Variants in XXYLT1 observed in about 807,000 individuals in gnomAD.
XXYLT1 encodes the protein xyloside xylosyltransferase 1, also known as UDP-xylose:alpha-xyloside alpha-1,3-xylosyltransferase.
Under a neutral mutation model 28.9 loss-of-function variants are expected in XXYLT1, and 20 were observed. That is an observed-to-expected ratio of 0.69 (90% CI 0.49 to 1.00). The LOEUF is 1.00. Ranked by LOEUF, XXYLT1 falls within the 50% of genes least tolerant of loss-of-function variation. XXYLT1 has a pLI of 0.00. For synonymous variants in XXYLT1, 257 were observed against 253.8 expected (o/e 1.01, Z -0.12); for missense variants, 542 against 560.1 (o/e 0.97, Z 0.33).
intron 3 of XXYLT1, among the ~76,000 whole-genome samples, chr3:195,089,419 C>A (rs1716005612): frequency 6.6e-6 from 1 of 151,944 alleles, no homozygotes; most frequent in African/African-American, 2.4e-5. Flanking sequence ...TCATATCCAG[C>A]CAAACTAAGC....
intron 2 of XXYLT1, among the ~76,000 whole-genome samples, 183 bp from the exon 3 acceptor site, chr3:195,156,764 A>T (rs796237016): frequency 6.6e-5 from 10 of 152,358 alleles, no homozygotes; most frequent in African/African-American, 1.9e-4. Flanking sequence ...CCACACTATT[A>T]GTCTTCACAA....
At chr3:195,193,102 G>A (rs1347742537) in intron 2 of XXYLT1, among the ~76,000 whole-genome samples, 4 of 151,912 alleles carry the variant, frequency 2.6e-5, no homozygotes, top group South Asian at 2.1e-4. Flanking sequence ...CCTGGCCAAC[G>A]TGGTGAAACC....
chr3:195,263,280 C>T (rs1489129102), intron 1 of XXYLT1, among the ~76,000 whole-genome samples: 1 of 152,210 alleles, frequency 6.6e-6, no homozygotes, highest in East Asian at 1.9e-4. Context: ...CCTCCTGGAA[C>T]CCAACCTGTA....
intron 2 of XXYLT1, among the ~76,000 whole-genome samples, chr3:195,226,101 A>C (rs1381551642): frequency 6.6e-6 from 1 of 152,166 alleles, no homozygotes; most frequent in African/African-American, 2.4e-5. Context: ...ACACTCTAGG[A>C]GTTAGACCCT....
At chr3:195,082,884 C>A (rs6770215) in intron 3 of XXYLT1, among the ~76,000 whole-genome samples, 3,779 of 152,210 alleles carry the variant, frequency 0.025, 142 homozygotes, top group African/African-American at 0.087. Context: ...ATAAGGCACC[C>A]CCCCTGCCAA....
intron 2 of XXYLT1, among the ~76,000 whole-genome samples, chr3:195,200,958 C>T (rs1417285735): frequency 1.3e-5 from 2 of 152,134 alleles, no homozygotes; most frequent in African/African-American, 2.4e-5. Flanking sequence ...ATTGAAGTTA[C>T]CCAGGGTGAT....
chr3:195,110,393 GT>G (rs1717546783), intron 3 of XXYLT1, among the ~76,000 whole-genome samples: 1 of 42,758 alleles, frequency 2.3e-5, no homozygotes, highest in South Asian at 6.1e-4. Flanking sequence ...TGTGTGTGGT[GT>G]GTTATGTGTG....
intron 2 of XXYLT1, among the ~76,000 whole-genome samples, chr3:195,170,167 T>C (rs1577104622): frequency 6.6e-6 from 1 of 152,166 alleles, no homozygotes; most frequent in African/African-American, 2.4e-5. Flanking sequence ...TATATATTTA[T>C]ATATATGTGT....
intron 3 of XXYLT1, among the ~76,000 whole-genome samples, chr3:195,153,274 A>T (rs2108676926): frequency 6.6e-6 from 1 of 152,338 alleles, no homozygotes; most frequent in African/African-American, 2.4e-5. Context: ...AAAGAAGGCA[A>T]AAAACATGCT....
chr3:195,112,385 C>A (rs563350502), intron 3 of XXYLT1, among the ~76,000 whole-genome samples: 12 of 152,324 alleles, frequency 7.9e-5, no homozygotes, highest in Admixed American at 1.3e-4. Flanking sequence ...CCACCCACCC[C>A]AGCAAGGACT....
rs1251222715 is a variant in XXYLT1 at position 195,076,572 on chromosome 3, G to A, written c.786-6461C>T. 6.6e-6 allele frequency among the ~76,000 whole-genome samples: 1 copy of A among 152,146 alleles called. No individual in the cohort carries two copies. Among genetic ancestry groups the A allele is most frequent in the East Asian group, 1.9e-4 (1 of 5,194 alleles). On this transcript the variant is annotated intron_variant, in intron 3 of 3. Transcript: ENST00000310380. This position sits in a 1 kb window ranked among gnomAD's most constrained non-coding sequence, Gnocchi z 5.3. Reference sequence around the variant, plus strand: ...CTGTTAGTTCGCTAGGGCTGCCATCGCAAAGTACCACCAATGGGGCGGCTT... The same window carrying A: ...CTGTTAGTTCGCTAGGGCTGCCATCACAAAGTACCACCAATGGGGCGGCTT...
At chr3:195,085,746 G>A (rs368844910) in intron 3 of XXYLT1, among the ~76,000 whole-genome samples, 6 of 152,170 alleles carry the variant, frequency 3.9e-5, no homozygotes, top group Non-Finnish European at 7.4e-5. Flanking sequence ...CCGTCAGGTC[G>A]CCACTAGCCT....
intron 2 of XXYLT1, among the ~76,000 whole-genome samples, chr3:195,222,542 T>C (rs1723874554): frequency 6.6e-6 from 1 of 152,180 alleles, no homozygotes; most frequent in African/African-American, 2.4e-5. Context: ...TTGGGAGCTA[T>C]CATAGGGAAG....
At chr3:195,070,830 G>T (rs1413853661) in intron 3 of XXYLT1, among the ~76,000 whole-genome samples, 1 of 152,038 alleles carries the variant, frequency 6.6e-6, no homozygotes, top group Non-Finnish European at 1.5e-5. Flanking sequence ...GTGAAAGACA[G>T]CTGTAGAAGA....
intron 2 of XXYLT1, among the ~76,000 whole-genome samples, chr3:195,202,552 C>T (rs1722905425): frequency 6.6e-6 from 1 of 152,116 alleles, no homozygotes; most frequent in Non-Finnish European, 1.5e-5. Flanking sequence ...AGCTTTAGAA[C>T]ATTCTGGTTC....
chr3:195,156,352 G>C (rs2108682589), intron 3 of XXYLT1, 97 bp downstream of exon 3: 1 of 1,539,884 alleles, frequency 6.5e-7, no homozygotes, highest in East Asian at 2.3e-5. Context: ...AGAAGGATCG[G>C]ACGCCACTAA....
chr3:195,135,387 A>C (rs1719138413), intron 3 of XXYLT1, among the ~76,000 whole-genome samples: 1 of 152,204 alleles, frequency 6.6e-6, no homozygotes, highest in Non-Finnish European at 1.5e-5. Context: ...CTATCTTTCC[A>C]TCCCCTTATC....
intron 3 of XXYLT1, among the ~76,000 whole-genome samples, chr3:195,114,460 G>A (rs869519): frequency 0.5 from 76,569 of 151,980 alleles, 20,619 homozygotes; most frequent in Middle Eastern, 0.65. Context: ...CTCTGTGTAC[G>A]GTCCTGTGCC....
intron 2 of XXYLT1, among the ~76,000 whole-genome samples, chr3:195,204,468 AC>A (rs1722985147): frequency 1.7e-5 from 2 of 114,754 alleles, no homozygotes; most frequent in East Asian, 5.5e-4. Context: ...ACACACACTC[AC>A]TCTCTCACTC....
Sources: gnomAD v4.1 joint callset for allele counts (sites outside exome capture counted in the v4.1 genomes callset) on GRCh38, gnomAD v4.1.1 for gene constraint, Gnocchi (gnomAD v3.1) non-coding constraint, MANE v1.5 for transcripts, NCBI Gene and HGNC (gene_info 2026-07-23, HGNC 2026-07-21) for gene names.